Variants in GTF3C6 observed in about 807,000 individuals in gnomAD.
The protein encoded by GTF3C6 is general transcription factor IIIC subunit 6.
A neutral mutation model predicts 19.2 loss-of-function variants in GTF3C6; 11 were observed. The ratio of observed to expected loss-of-function variants is 0.57; its 90% CI spans 0.36 to 0.95. The LOEUF (loss-of-function observed/expected upper bound fraction) is 0.95. GTF3C6 is among the 40% of genes least tolerant of loss of function. The probability of loss-of-function intolerance (pLI) is 0.01; values close to 1 mark genes in which losing one functional copy is unlikely to be tolerated. For missense variants in GTF3C6, 222 were observed against 254.7 expected (o/e 0.87, Z 0.87); for synonymous variants, 87 against 84.2 (o/e 1.03, Z -0.18).
chr6:110,966,968 A>G (rs979307239), intron 5 of GTF3C6, among the ~76,000 whole-genome samples: 4 of 152,090 alleles, frequency 2.6e-5, no homozygotes, highest in Non-Finnish European at 5.9e-5. Context: ...AGCCTGGCCA[A>G]CATAGTGAAA....
At chr6:110,962,990 G>T (rs1036439697) in intron 5 of GTF3C6, among the ~76,000 whole-genome samples, 1 of 152,110 alleles carries the variant, frequency 6.6e-6, no homozygotes, top group African/African-American at 2.4e-5. Flanking sequence ...TGTTGGCCAG[G>T]ATGCTCTCAA....
intron 5 of GTF3C6, among the ~76,000 whole-genome samples, chr6:110,964,511 A>T (rs1007265904): frequency 1.3e-5 from 2 of 152,116 alleles, no homozygotes; most frequent in Non-Finnish European, 2.9e-5. Context: ...AAGTGCTGGG[A>T]TTACAGGCAT....
At chr6:110,964,089 A>G (rs982327259) in intron 5 of GTF3C6, among the ~76,000 whole-genome samples, 3 of 151,724 alleles carry the variant, frequency 2.0e-5, no homozygotes, top group African/African-American at 7.3e-5. Flanking sequence ...AAATTATTTT[A>G]TTTGAGACAG....
Position 110,964,802 on chromosome 6 carries a change from C to T in GTF3C6, c.361+2297C>T, listed in dbSNP as rs12199455. ...GATTACAGGTGCCCACCACCACGCCCGGCTAATTTTTAGTAGAGACGGAGT... is the reference window on the plus strand; with the variant it reads ...GATTACAGGTGCCCACCACCACGCCTGGCTAATTTTTAGTAGAGACGGAGT... On this transcript the variant is annotated intron_variant, in intron 5 of 5. Transcript: ENST00000329970. 7.0e-3 allele frequency among the ~76,000 whole-genome samples: 1,067 copies of T among 151,442 alleles called. 6 individuals carry two copies. The highest frequency in any genetic ancestry group is 0.011 in the Non-Finnish European group (738 of 67,862).
In GTF3C6 at chr6:110,963,022, C is replaced by G. The variant is rs555523956; in HGVS notation, c.361+517C>G. 2.4e-4 allele frequency among the ~76,000 whole-genome samples: 36 copies of G among 152,258 alleles called. 1 individual carries two copies. The South Asian group carries it at 6.4e-3, about 27-fold the overall frequency. On this transcript the variant is annotated intron_variant, in intron 5 of 5. Coordinates refer to ENST00000329970, the MANE Select transcript of GTF3C6 (RefSeq NM_138408.4). Reference sequence around the variant, plus strand: ...TCAATCTCTTGACGTCATGATCCGCCCGCCTTGGCTTCCCAAAGTGCTGGG... The same window carrying G: ...TCAATCTCTTGACGTCATGATCCGCGCGCCTTGGCTTCCCAAAGTGCTGGG...
chr6:110,963,108 G>A (rs1050518881), intron 5 of GTF3C6, among the ~76,000 whole-genome samples: 3 of 152,018 alleles, frequency 2.0e-5, no homozygotes, highest in African/African-American at 4.8e-5. Flanking sequence ...AGTAGAGACC[G>A]GATTTTACCG....
Position 110,967,516 on chromosome 6 carries a change from T to G in GTF3C6, c.368T>G (p.Val123Gly), listed in dbSNP as rs1224148976. The change falls in exon 6 of 6, where the codon GTG (valine) becomes GGG (glycine). Residue 123 changes from valine to glycine, a missense_variant. Physicochemically the swap from Val to Gly is moderately radical, Grantham distance 109. Transcript: ENST00000329970. Reference sequence around the variant, plus strand: ...CTCATCCCCTCCAAATTAGGTGGGGTGGAATGGCTGCAAATAAAGGATAAT... The same window carrying G: ...CTCATCCCCTCCAAATTAGGTGGGGGGGAATGGCTGCAAATAAAGGATAAT... ...KKEGEENIGGVEWLQIKDNDF... is the reference protein window; with the variant it reads ...KKEGEENIGGGEWLQIKDNDF... The G allele has an allele frequency of 6.2e-7, 1 of 1,607,622 alleles. No individual in the cohort carries two copies. Among genetic ancestry groups the G allele is most frequent in the Non-Finnish European group, 8.5e-7 (1 of 1,176,090 alleles).
intron 2 of GTF3C6, among the ~76,000 whole-genome samples, chr6:110,959,629 T>C (rs1771132305): frequency 6.6e-6 from 1 of 151,742 alleles, no homozygotes; most frequent in East Asian, 1.9e-4. Flanking sequence ...TTGGAGACCA[T>C]CCTAGGCAAC....
Position 110,959,270 on chromosome 6 carries a change from G to T in GTF3C6, c.138+18G>T. ...AGGTTTTGGTGAGTTTTCTAGACTT[G>T]GGGGGATTGTTCTAGAGTGTCTTAA... On this transcript the variant is annotated intron_variant, in intron 2 of 5. Coordinates refer to ENST00000329970, the MANE Select transcript of GTF3C6 (RefSeq NM_138408.4). 2 of 1,469,928 alleles carry T rather than the reference G, an allele frequency of 1.4e-6. No individual in the cohort carries two copies. The highest frequency in any genetic ancestry group is 1.4e-5 in the African/African-American group (1 of 71,904). 91.1% of individuals were successfully genotyped at this position (1,469,928 alleles called of 1,614,324 possible).
At chr6:110,964,208 C>T (rs965650034) in intron 5 of GTF3C6, among the ~76,000 whole-genome samples, 2 of 152,004 alleles carry the variant, frequency 1.3e-5, no homozygotes, top group East Asian at 1.9e-4. Context: ...GGACCACAGG[C>T]GTGTTCCACC....
intron 3 of GTF3C6, 22 bp from the exon 4 acceptor site, chr6:110,960,550 T>C (rs758894362): frequency 6.2e-7 from 1 of 1,613,334 alleles, no homozygotes; most frequent in South Asian, 1.1e-5. Flanking sequence ...TCTCAACAAT[T>C]TGCCTTTGTA....
rs757132567 is a variant in GTF3C6, at chr6:110,967,511, T to A, written c.363T>A (p.Gly121=). 9 of 1,601,926 alleles carry A rather than the reference T, an allele frequency of 5.6e-6. No individual in the cohort carries two copies. The Admixed American group carries it at 1.5e-4, about 27-fold the overall frequency. The part of the protein sequence containing the change: ...TEKKEGEENI[G]GVEWLQIKDN... ...TATTCCTCATCCCCTCCAAATTAGG[T>A]GGGGTGGAATGGCTGCAAATAAAGG... The change falls in exon 6 of 6, where the codon GGT becomes GGA. Residue 121 remains glycine (G), a splice_region_variant and synonymous_variant. Transcript: ENST00000329970.
chr6:110,959,335 G>A (rs143233557), intron 2 of GTF3C6, 83 bp downstream of exon 2: 30,132 of 811,156 alleles, frequency 0.037, 692 homozygotes, highest in Middle Eastern at 0.077. Context: ...CTATCCGCAA[G>A]TATTGATATA....
chr6:110,962,581 C>G, intron 5 of GTF3C6, 76 bp downstream of exon 5: 1 of 803,712 alleles, frequency 1.2e-6, no homozygotes, highest in Non-Finnish European at 2.1e-6. Flanking sequence ...CAGGATAGTC[C>G]TTGTACTTTT....
In GTF3C6 at chr6:110,967,853, A is replaced by C. The variant is rs538155247; in HGVS notation, c.*63A>C. On this transcript the variant is annotated 3_prime_UTR_variant, in exon 6 of 6. Coordinates refer to ENST00000329970, the MANE Select transcript of GTF3C6 (RefSeq NM_138408.4). ...GTCAAGAACTTTTTAGAGTTGTTAC[A>C]TAAAAATAATTGCTGTGTAGCTTTC... 139 of 1,363,972 alleles carry C rather than the reference A, an allele frequency of 1.0e-4. No individual in the cohort carries two copies. In the African/African-American group the frequency reaches 1.9e-3, roughly 18 times the overall value. 84.5% of individuals were successfully genotyped at this position (1,363,972 alleles called of 1,614,324 possible).
rs149124456 is a variant in GTF3C6, at chr6:110,959,325, C to G, written c.138+73C>G. ...AAAACAAGAATCAATGGTGAAATACCTATCCGCAAGTATTGATATATTTAT... is the reference window on the plus strand; with the variant it reads ...AAAACAAGAATCAATGGTGAAATACGTATCCGCAAGTATTGATATATTTAT... On this transcript the variant is annotated intron_variant, in intron 2 of 5. Coordinates refer to ENST00000329970, the MANE Select transcript of GTF3C6 (RefSeq NM_138408.4). 7.9e-6 allele frequency: 7 copies of G among 886,926 alleles called. No individual in the cohort carries two copies. In the African/African-American group the frequency reaches 8.4e-5, roughly 11 times the overall value. The allele number at this position is 886,926 out of a possible 1,614,324, so 54.9% of individuals were successfully genotyped here.
At chr6:110,964,321 T>G (rs966836498) in intron 5 of GTF3C6, among the ~76,000 whole-genome samples, 3 of 152,088 alleles carry the variant, frequency 2.0e-5, no homozygotes, top group Non-Finnish European at 4.4e-5. Flanking sequence ...CTCTGCTTAC[T>G]GCAACCTCCA....
At chr6:110,964,171 C>T (rs1407846431) in intron 5 of GTF3C6, among the ~76,000 whole-genome samples, 1 of 152,080 alleles carries the variant, frequency 6.6e-6, no homozygotes, top group African/African-American at 2.4e-5. Flanking sequence ...GCCCCCCATC[C>T]CCCTACCTCA....
intron 5 of GTF3C6, among the ~76,000 whole-genome samples, chr6:110,963,059 G>A (rs1194691898): frequency 1.3e-5 from 2 of 152,126 alleles, no homozygotes; most frequent in Admixed American, 1.3e-4. Flanking sequence ...TTACAGGCGT[G>A]AGCCACCGGT....
Sources: allele counts gnomAD v4.1 joint callset (sites outside exome capture counted in the v4.1 genomes callset), GRCh38; gene constraint gnomAD v4.1.1; transcripts MANE v1.5; gene names NCBI Gene and HGNC (gene_info 2026-07-23, HGNC 2026-07-21).